The following RTN1 variants were observed in gnomAD, a reference collection of about 807,000 sequenced individuals.
RTN1 encodes the protein reticulon 1, also known as reticulon-1.
In RTN1, 25 loss-of-function variants were observed where a neutral mutation model predicts 65.5. The ratio of observed to expected loss-of-function variants is 0.38; its 90% CI spans 0.28 to 0.53. RTN1 has a LOEUF of 0.53. Among genes scored for constraint, RTN1 ranks in the 20% least tolerant of loss-of-function variants. The pLI is 0.79. For synonymous variants in RTN1, 471 were observed against 447.6 expected, an observed-to-expected ratio of 1.05 and a Z score of -0.66; for missense variants, 983 against 1,025.4, an observed-to-expected ratio of 0.96 and a Z score of 0.57.
chr14:59,796,559 A>G (rs1886443261), intron 1 of RTN1, among the ~76,000 whole-genome samples: 1 of 152,248 alleles, frequency 6.6e-6, no homozygotes, highest in East Asian at 1.9e-4. Context: ...GTAACACTCT[A>G]TACCCTTTTA....
intron 3 of RTN1, among the ~76,000 whole-genome samples, chr14:59,682,470 T>C (rs1199264382): frequency 1.3e-5 from 2 of 152,200 alleles, no homozygotes; most frequent in South Asian, 4.1e-4. Flanking sequence ...ATGTCTCCTT[T>C]GAATTGCTAG....
chr14:59,804,583 C>T lies in RTN1; in HGVS notation c.242-58102G>A, dbSNP rs117964703. Among the ~76,000 whole-genome samples, 575 of 152,040 alleles carry T rather than the reference C, an allele frequency of 3.8e-3. 19 individuals carry two copies. In the East Asian group the frequency reaches 0.056, roughly 15 times the overall value. ...CACCCATTTGGTGACTCCTAGAGTC[C>T]GAAAAAGTCACTGAGGGCATGAAAG... On this transcript the variant is annotated intron_variant, in intron 1 of 8. Coordinates refer to ENST00000267484, the MANE Select transcript of RTN1 (RefSeq NM_021136.3).
intron 2 of RTN1, among the ~76,000 whole-genome samples, chr14:59,732,092 C>T (rs1415629705): frequency 1.3e-5 from 2 of 152,106 alleles, no homozygotes; most frequent in South Asian, 2.1e-4. Flanking sequence ...AGAAACAGAA[C>T]CTTGAAAGGC....
chr14:59,661,498 C>T (rs1314231312), intron 3 of RTN1, among the ~76,000 whole-genome samples: 1 of 152,026 alleles, frequency 6.6e-6, no homozygotes, highest in Non-Finnish European at 1.5e-5. Flanking sequence ...TGCAAAAATC[C>T]TCAATAAAAT....
intron 1 of RTN1, among the ~76,000 whole-genome samples, chr14:59,807,064 T>C (rs1157290052): frequency 6.6e-6 from 1 of 152,210 alleles, no homozygotes; most frequent in Non-Finnish European, 1.5e-5. Context: ...TTCAATGTGA[T>C]AAAAGTGTTA....
At position 59,746,335 on chromosome 14, in the gene RTN1, C is replaced by T. The variant is rs1175343838; in HGVS notation, c.388G>A (p.Glu130Lys). The part of the protein sequence containing the change: ...STYFTGILQK[E>K]NGHVTISESP... ...TCTGAAATGGTGACGTGGCCATTTT[C>T]CTTCTGAAGAATTCCAGTAAAATAT... is the stretch of plus-strand genomic sequence containing the variant. Residue 130 changes from glutamate (E) to lysine (K), a missense_variant, in exon 2 of 9, where the codon GAA (glutamate) becomes AAA (lysine). This residue lies in a region of RTN1 where 818 missense variants were observed against 801.8 expected (regional missense o/e 1.02). Transcript: ENST00000267484. 6.2e-7 allele frequency: 1 copy of T among 1,614,142 alleles called. No homozygotes were observed. Among genetic ancestry groups the T allele is most frequent in the Admixed American group, 1.7e-5 (1 of 60,000 alleles).
At chr14:59,786,939 T>C (rs948793322) in intron 1 of RTN1, among the ~76,000 whole-genome samples, 1 of 152,174 alleles carries the variant, frequency 6.6e-6, no homozygotes, top group Non-Finnish European at 1.5e-5. Flanking sequence ...AAAGTAGTCC[T>C]AATGATTATA....
At chr14:59,731,953 T>C (rs1410561204) in intron 2 of RTN1, among the ~76,000 whole-genome samples, 1 of 152,182 alleles carries the variant, frequency 6.6e-6, no homozygotes, top group Non-Finnish European at 1.5e-5. Flanking sequence ...ACTCACAGTA[T>C]TCCCTGCCGC....
intron 1 of RTN1, among the ~76,000 whole-genome samples, chr14:59,747,796 CTACA>C (rs781232484): frequency 6.6e-6 from 1 of 152,064 alleles, no homozygotes; most frequent in Non-Finnish European, 1.5e-5. Context: ...CTCTCTACAT[CTACA>C]TACAAACACA....
At chr14:59,802,530 T>C (rs1886565649) in intron 1 of RTN1, among the ~76,000 whole-genome samples, 1 of 152,234 alleles carries the variant, frequency 6.6e-6, no homozygotes, top group South Asian at 2.1e-4. Flanking sequence ...TTAATCCAAA[T>C]TTTGGCCATT....
chr14:59,669,504 T>A (rs2140213534), intron 3 of RTN1, among the ~76,000 whole-genome samples: 1 of 152,216 alleles, frequency 6.6e-6, no homozygotes, highest in South Asian at 2.1e-4. Flanking sequence ...ATATCTAATT[T>A]AAATGATGAG....
At chr14:59,603,973 G>A (rs747267741) in intron 5 of RTN1, 52 bp from the exon 6 acceptor site, 3 of 1,411,612 alleles carry the variant, frequency 2.1e-6, no homozygotes, top group Non-Finnish European at 3.0e-6. Flanking sequence ...TGACAAGTTA[G>A]AGTCTCATAT....
chr14:59,609,641 G>T lies in RTN1; in HGVS notation c.1766-2149C>A, dbSNP rs563045121. Among the ~76,000 whole-genome samples the T allele has an allele frequency of 1.5e-4, 23 of 152,288 alleles. No homozygotes were observed. In the East Asian group the frequency reaches 4.2e-3, roughly 28 times the overall value. On this transcript the variant is annotated intron_variant, in intron 3 of 8. Transcript: ENST00000267484. ...TAAATTGGGGCAAGCCTAGGCTAAA[G>T]GTCTAAAGCCAAGGCAGCAGGGCTA...
chr14:59,739,369 C>T (rs1333532524), intron 2 of RTN1, among the ~76,000 whole-genome samples: 2 of 152,108 alleles, frequency 1.3e-5, no homozygotes, highest in Admixed American at 6.5e-5. Context: ...GGCGAAACCC[C>T]GTCTCTACTA....
At chr14:59,630,717 G>T (rs981843639) in intron 3 of RTN1, 1 of 1,126,428 alleles carries the variant, frequency 8.9e-7, no homozygotes, top group African/African-American at 1.6e-5. Context: ...CGCGGCCCCG[G>T]AGCCGCCTGC....
intron 3 of RTN1, among the ~76,000 whole-genome samples, chr14:59,694,787 AAGG>A (rs1884029296): frequency 6.6e-6 from 1 of 152,196 alleles, no homozygotes; most frequent in Admixed American, 6.5e-5. Flanking sequence ...GTAGTTTGAC[AAGG>A]AGTTTACACT....
chr14:59,677,833 C>CT (rs905652751), intron 3 of RTN1, among the ~76,000 whole-genome samples: 25 of 152,124 alleles, frequency 1.6e-4, no homozygotes, highest in Non-Finnish European at 1.0e-4. Flanking sequence ...GAGAAAGTGA[C>CT]TAACTACCCC....
chr14:59,824,015 A>G (rs1460205978), intron 1 of RTN1, among the ~76,000 whole-genome samples: 1 of 152,186 alleles, frequency 6.6e-6, no homozygotes, highest in Non-Finnish European at 1.5e-5. Context: ...CTTGTATGTC[A>G]TTTTAAACCA....
chr14:59,838,650 C>T (rs902457511), intron 1 of RTN1, among the ~76,000 whole-genome samples: 5 of 152,106 alleles, frequency 3.3e-5, no homozygotes, highest in Non-Finnish European at 7.4e-5. Context: ...GTTTTTGGCA[C>T]ACACGTATAT....
Sources: allele counts gnomAD v4.1 joint callset (sites outside exome capture counted in the v4.1 genomes callset), GRCh38; gene constraint gnomAD v4.1.1; regional missense constraint gnomAD v4.1.1; transcripts MANE v1.5; gene names NCBI Gene and HGNC (gene_info 2026-07-23, HGNC 2026-07-21).